Variants in NOMO2 observed in about 807,000 individuals in gnomAD.
The protein encoded by NOMO2 is NODAL modulator 2.
Under a neutral mutation model 67.1 loss-of-function variants are expected in NOMO2, and 14 were observed. That is an observed-to-expected ratio of 0.21 (90% CI 0.14 to 0.33). NOMO2 has a LOEUF of 0.33. NOMO2 is among the 10% of genes least tolerant of loss of function. The pLI, the probability that NOMO2 is intolerant of heterozygous loss-of-function variation, is 1.00. For missense variants in NOMO2, 178 were observed against 761.0 expected, an observed-to-expected ratio of 0.23 and a Z score of 9.01; for synonymous variants, 80 against 305.9, an observed-to-expected ratio of 0.26 and a Z score of 7.71.
In NOMO2 at chr16:18,531,455, T is replaced by A; in HGVS notation, c.1537+11A>T. The A allele has an allele frequency of 6.2e-7, 1 of 1,613,062 alleles. No individual in the cohort carries two copies. Among genetic ancestry groups the A allele is most frequent in the East Asian group, 2.2e-5 (1 of 44,786 alleles). On this transcript the variant is annotated intron_variant, in intron 13 of 30. Transcript: ENST00000622306. ...GAAACTATGTGTTCTTACTTTCCAG[T>A]GATATCTTACCCAAACAAGAGACTT...
intron 2 of NOMO2, among the ~76,000 whole-genome samples, chr16:18,556,334 A>C (rs1901902667): frequency 6.6e-6 from 1 of 151,868 alleles, no homozygotes; most frequent in Non-Finnish European, 1.5e-5. Context: ...GGTGCCTGTA[A>C]TCCCAGCTAC....
intron 11 of NOMO2, among the ~76,000 whole-genome samples, chr16:18,537,199 G>A (rs1301816340): frequency 3.3e-5 from 5 of 152,072 alleles, no homozygotes; most frequent in South Asian, 4.1e-4. Flanking sequence ...ACAGACCAAT[G>A]TGGCCAAATC....
intron 12 of NOMO2, among the ~76,000 whole-genome samples, chr16:18,531,951 A>G (rs528185990): frequency 6.6e-6 from 1 of 151,444 alleles, no homozygotes; most frequent in East Asian, 2.0e-4. Flanking sequence ...CACTTGTAGC[A>G]TAAGCTCTGA....
chr16:18,533,194 C>T lies in NOMO2; in HGVS notation c.1221-15G>A, dbSNP rs777677782. On this transcript the variant is annotated splice_polypyrimidine_tract_variant and intron_variant, in intron 11 of 30. Transcript: ENST00000622306. ...AGACACTGAACCTGCAAAGAGAAGACCATTCATTCCAGCACGAGGACTCAA... is the reference window on the plus strand; with the variant it reads ...AGACACTGAACCTGCAAAGAGAAGATCATTCATTCCAGCACGAGGACTCAA... The T allele has an allele frequency of 3.1e-6, 5 of 1,610,676 alleles. No individual in the cohort carries two copies. The South Asian group carries it at 5.5e-5, about 18-fold the overall frequency.
intron 5 of NOMO2, among the ~76,000 whole-genome samples, chr16:18,548,257 G>C (rs1489996575): frequency 1.3e-5 from 2 of 150,348 alleles, no homozygotes; most frequent in African/African-American, 4.9e-5. Flanking sequence ...TTTCTAGTAA[G>C]GTCAACACCA....
At chr16:18,561,249 A>G (rs1410405694) in intron 1 of NOMO2, among the ~76,000 whole-genome samples, 1 of 148,784 alleles carries the variant, frequency 6.7e-6, no homozygotes, top group African/African-American at 2.5e-5. Flanking sequence ...CTACTCATTA[A>G]GGCAATCAGG....
chr16:18,537,038 C>G (rs549560428), intron 11 of NOMO2, among the ~76,000 whole-genome samples: 2 of 152,106 alleles, frequency 1.3e-5, no homozygotes, highest in Non-Finnish European at 2.9e-5. Context: ...CTAGGTCCCC[C>G]CTGGGCCACC....
At chr16:18,528,237 G>T (rs555545274) in intron 15 of NOMO2, among the ~76,000 whole-genome samples, 3 of 128,960 alleles carry the variant, frequency 2.3e-5, no homozygotes, top group African/African-American at 8.5e-5. Flanking sequence ...AGTGGGAGGA[G>T]ATAAAGAAGG....
chr16:18,540,380 G>A (rs1186576017), intron 9 of NOMO2, among the ~76,000 whole-genome samples: 1 of 151,760 alleles, frequency 6.6e-6, no homozygotes, highest in African/African-American at 2.4e-5. Context: ...TAAATCACAT[G>A]TTAGGAAAAC....
intron 2 of NOMO2, 115 bp downstream of exon 2, chr16:18,557,587 T>G (rs959548391): frequency 6.3e-7 from 1 of 1,597,952 alleles, no homozygotes; most frequent in African/African-American, 1.3e-5. Flanking sequence ...CATATTCCAC[T>G]AATAATTTAC....
intron 2 of NOMO2, among the ~76,000 whole-genome samples, chr16:18,555,192 T>C (rs1596861945): frequency 1.3e-5 from 2 of 151,068 alleles, no homozygotes; most frequent in Admixed American, 6.6e-5. Context: ...ATGCCTACAG[T>C]TGCACAAGTT....
chr16:18,559,842 G>C (rs1012743365), intron 1 of NOMO2, among the ~76,000 whole-genome samples: 4 of 151,872 alleles, frequency 2.6e-5, no homozygotes, highest in Non-Finnish European at 5.9e-5. Context: ...CCTGCTGATT[G>C]TTAAAGTATT....
At chr16:18,531,332 A>G (rs1901292869) in intron 13 of NOMO2, 134 bp downstream of exon 13, 3 of 1,372,898 alleles carry the variant, frequency 2.2e-6, no homozygotes, top group African/African-American at 1.4e-5. Context: ...CACCCACTTG[A>G]CTCCAAGAAG....
At chr16:18,561,612 C>G (rs1218740220) in intron 1 of NOMO2, among the ~76,000 whole-genome samples, 1 of 151,170 alleles carries the variant, frequency 6.6e-6, no homozygotes, top group Admixed American at 6.6e-5. Context: ...GATCTGGGGT[C>G]TGTGTTCCGC....
intron 11 of NOMO2, among the ~76,000 whole-genome samples, chr16:18,535,138 C>T (rs1216457886): frequency 1.5e-4 from 19 of 125,310 alleles, no homozygotes; most frequent in African/African-American, 5.4e-4. Context: ...AGTTCGAGAC[C>T]AGCCTAGCCA....
In NOMO2 at chr16:18,541,841, T is replaced by TAAAA. The variant is rs1251821871; in HGVS notation, c.963+327_963+330dup. On this transcript the variant is annotated intron_variant, in intron 9 of 30. Transcript: ENST00000622306. The stretch of plus-strand genomic sequence containing the variant: ...TGAGCCACACAGTGAGACCCTATCT[T>TAAAA]AAAAAAAAAAAAAAAAAAAAAAAAT... Among the ~76,000 whole-genome samples the TAAAA allele has an allele frequency of 5.5e-3, 672 of 122,236 alleles. 3 individuals are homozygous for TAAAA. Among genetic ancestry groups the TAAAA allele is most frequent in the Non-Finnish European group, 9.0e-3 (521 of 58,136 alleles). 80.2% of individuals were successfully genotyped at this position (122,236 alleles called of 152,430 possible).
chr16:18,559,034 G>A (rs1443504799), intron 1 of NOMO2, among the ~76,000 whole-genome samples: 2 of 151,710 alleles, frequency 1.3e-5, no homozygotes, highest in Non-Finnish European at 2.9e-5. Flanking sequence ...ATGATGGCAC[G>A]TGCCTGTAGC....
intron 3 of NOMO2, among the ~76,000 whole-genome samples, chr16:18,552,983 A>G (rs1199117647): frequency 3.9e-5 from 6 of 152,064 alleles, no homozygotes; most frequent in Non-Finnish European, 8.8e-5. Context: ...AATATAAAAT[A>G]TAAATATAGG....
intron 11 of NOMO2, among the ~76,000 whole-genome samples, chr16:18,535,613 C>T (rs1198595799): frequency 1.3e-5 from 2 of 151,964 alleles, no homozygotes; most frequent in Non-Finnish European, 2.9e-5. Flanking sequence ...ACTCCTCCCT[C>T]CCTCGCCTGC....
Sources: allele counts gnomAD v4.1 joint callset (sites outside exome capture counted in the v4.1 genomes callset), GRCh38; gene constraint gnomAD v4.1.1; transcripts MANE v1.5; gene names NCBI Gene and HGNC (gene_info 2026-07-23, HGNC 2026-07-21).